NEK10: variants seen among roughly 807,000 people sequenced by gnomAD.
NEK10 encodes the protein NIMA related kinase 10.
NEK10 carries 122 observed loss-of-function variants against 159.8 expected under a neutral mutation model. The ratio of observed to expected loss-of-function variants is 0.76; its 90% confidence interval spans 0.66 to 0.89. The LOEUF (loss-of-function observed/expected upper bound fraction) is 0.89. Ranked by LOEUF, NEK10 falls within the 40% of genes least tolerant of loss-of-function variation. The probability of loss-of-function intolerance (pLI) is 0.00; values close to 1 mark genes in which losing one functional copy is unlikely to be tolerated. For synonymous variants in NEK10, 466 were observed against 457.1 expected, an observed-to-expected ratio of 1.02 and a Z score of -0.25; for missense variants, 1,342 against 1,323.1, an observed-to-expected ratio of 1.01 and a Z score of -0.22.
chr3:27,359,813 T>C (rs2048557821), intron 1 of NEK10, among the ~76,000 whole-genome samples: 1 of 152,240 alleles, frequency 6.6e-6, no homozygotes, highest in Non-Finnish European at 1.5e-5. Context: ...ACACTTAAAA[T>C]GTATTCACCA....
At chr3:27,198,290 T>C (rs1340115712) in intron 25 of NEK10, among the ~76,000 whole-genome samples, 3 of 138,260 alleles carry the variant, frequency 2.2e-5, no homozygotes, top group African/African-American at 2.7e-5. Flanking sequence ...TAAATTTACA[T>C]GGAACCAAAA....
intron 23 of NEK10, among the ~76,000 whole-genome samples, chr3:27,217,554 A>G (rs142002521): frequency 6.4e-4 from 98 of 152,256 alleles, no homozygotes; most frequent in African/African-American, 2.2e-3. Context: ...ATCACCTCCT[A>G]CCAGGCCCCA....
intron 30 of NEK10, among the ~76,000 whole-genome samples, chr3:27,151,255 C>T (rs1944841899): frequency 6.6e-6 from 1 of 152,076 alleles, no homozygotes; most frequent in African/African-American, 2.4e-5. Flanking sequence ...CATTGCAACC[C>T]CCGCCCCACC....
chr3:27,173,253 T>C (rs916895729), intron 28 of NEK10, among the ~76,000 whole-genome samples: 2 of 152,184 alleles, frequency 1.3e-5, no homozygotes, highest in Admixed American at 1.3e-4. Flanking sequence ...GTCATAACCA[T>C]CCTTGCCAAG....
chr3:27,352,579 A>T, intron 2 of NEK10, 54 bp from the exon 3 acceptor site: 1 of 1,328,162 alleles, frequency 7.5e-7, no homozygotes, highest in Middle Eastern at 1.8e-4. Flanking sequence ...GGTGAACAAG[A>T]TCGTGTTACC....
intron 23 of NEK10, among the ~76,000 whole-genome samples, chr3:27,244,340 T>C (rs891137936): frequency 2.0e-5 from 3 of 152,242 alleles, no homozygotes; most frequent in Non-Finnish European, 2.9e-5. Context: ...CCTATTCTAC[T>C]AGTTGCCCAG....
intron 30 of NEK10, among the ~76,000 whole-genome samples, chr3:27,142,378 CAA>C (rs1262037037): frequency 3.3e-5 from 5 of 152,198 alleles, no homozygotes; most frequent in Non-Finnish European, 7.4e-5. Context: ...CTGGATAAAA[CAA>C]AAAGAGACTT....
chr3:27,303,865 T>A (rs1311357182), intron 12 of NEK10, among the ~76,000 whole-genome samples: 1 of 152,206 alleles, frequency 6.6e-6, no homozygotes, highest in Non-Finnish European at 1.5e-5. Context: ...ATGAGCTTTA[T>A]TTATGTACTG....
chr3:27,202,015 G>A (rs944092019), intron 24 of NEK10, among the ~76,000 whole-genome samples: 5 of 152,044 alleles, frequency 3.3e-5, no homozygotes, highest in Non-Finnish European at 4.4e-5. Flanking sequence ...TTCGGGCATG[G>A]TGGCACATAC....
intron 32 of NEK10, among the ~76,000 whole-genome samples, chr3:27,128,229 G>T (rs561146800): frequency 1.3e-5 from 2 of 152,272 alleles, no homozygotes; most frequent in South Asian, 4.1e-4. Flanking sequence ...ACAGGCATCA[G>T]AAATGATTGG....
At position 27,295,658 on chromosome 3, in the gene NEK10, A is replaced by G; in HGVS notation, c.1263T>C (p.Ile421=). 3 of 1,567,900 alleles carry G rather than the reference A, an allele frequency of 1.9e-6. No individual in the cohort carries two copies. The highest frequency in any genetic ancestry group is 1.2e-5 in the South Asian group (1 of 85,798). The change falls in exon 15 of 36, where the codon ATT becomes ATC. Residue 421 remains isoleucine, a synonymous_variant. Transcript: ENST00000691995. Reference sequence around the variant, plus strand: ...CTGCATTCTTTTGCTTATTTGGTAAAATTAATTTTGCTATTGTATATACAC... The same window carrying G: ...CTGCATTCTTTTGCTTATTTGGTAAGATTAATTTTGCTATTGTATATACAC... ...ENGVYTIAKL[I]LPNKQKNAAK...
At position 27,253,393 on chromosome 3, in the gene NEK10, G is replaced by C. The variant is rs150397883; in HGVS notation, c.2090+2903C>G. 1.1e-3 allele frequency among the ~76,000 whole-genome samples: 161 copies of C among 152,256 alleles called. 1 individual carries two copies. The highest frequency in any genetic ancestry group is 5.4e-4 in the Non-Finnish European group (37 of 68,004). On this transcript the variant is annotated intron_variant, in intron 23 of 35. Transcript: ENST00000691995. ...ATTTTCTTCTCTGGAATTGGAGGAAGACATAGAGATAAAAAATGGAAACAA... is the reference window on the plus strand; with the variant it reads ...ATTTTCTTCTCTGGAATTGGAGGAACACATAGAGATAAAAAATGGAAACAA...
intron 33 of NEK10, among the ~76,000 whole-genome samples, chr3:27,119,151 C>T (rs1364649357): frequency 2.0e-5 from 3 of 152,188 alleles, no homozygotes; most frequent in Non-Finnish European, 4.4e-5. Flanking sequence ...CTCTAATCCT[C>T]ACTATAACCT....
intron 30 of NEK10, 52 bp from the exon 31 acceptor site, chr3:27,141,634 T>C (rs927803648): frequency 3.6e-6 from 5 of 1,394,968 alleles, no homozygotes; most frequent in Non-Finnish European, 4.0e-6. Context: ...AAAGTTACAT[T>C]AGTGAAAAAA....
At chr3:27,191,304 A>G (rs1292061769) in intron 26 of NEK10, among the ~76,000 whole-genome samples, 1 of 152,218 alleles carries the variant, frequency 6.6e-6, no homozygotes, top group East Asian at 1.9e-4. Context: ...CAGGAAAAAA[A>G]AAAAAAGGAT....
At chr3:27,288,038 C>G (rs906063977) in intron 19 of NEK10, among the ~76,000 whole-genome samples, 2 of 152,158 alleles carry the variant, frequency 1.3e-5, no homozygotes, top group Non-Finnish European at 2.9e-5. Context: ...GTAGAAGGAA[C>G]CTTAAGAATT....
At chr3:27,260,029 T>C (rs1352015067) in intron 22 of NEK10, among the ~76,000 whole-genome samples, 1 of 152,218 alleles carries the variant, frequency 6.6e-6, no homozygotes, top group Non-Finnish European at 1.5e-5. Flanking sequence ...TTTTCTGTTA[T>C]TGGTGTATAA....
chr3:27,362,551 A>T (rs1390342157), intron 1 of NEK10, among the ~76,000 whole-genome samples: 1 of 151,474 alleles, frequency 6.6e-6, no homozygotes. Flanking sequence ...ATATGAGGCA[A>T]GGAGAATGCA....
chr3:27,194,783 A>AT (rs1337980662), intron 25 of NEK10: 6 of 152,256 alleles, frequency 3.9e-5, no homozygotes, highest in Non-Finnish European at 7.3e-5. Flanking sequence ...TAAGGCAATG[A>AT]TTTTAATAGA....
Sources: gnomAD v4.1 joint callset for allele counts (sites outside exome capture counted in the v4.1 genomes callset) on GRCh38, gnomAD v4.1.1 for gene constraint, MANE v1.5 for transcripts, NCBI Gene and HGNC (gene_info 2026-07-23, HGNC 2026-07-21) for gene names.